RAP1GAP: variants seen among roughly 807,000 people sequenced by gnomAD.
RAP1GAP encodes the protein RAP1 GTPase activating protein.
A neutral mutation model predicts 87.2 loss-of-function variants in RAP1GAP; 35 were observed. That is an observed-to-expected ratio of 0.40 (90% CI 0.31 to 0.53). The LOEUF (loss-of-function observed/expected upper bound fraction) is 0.53. Among genes scored for constraint, RAP1GAP ranks in the 20% least tolerant of loss-of-function variants. The probability of loss-of-function intolerance (pLI) is 0.48; values close to 1 mark genes in which losing one functional copy is unlikely to be tolerated. For missense variants in RAP1GAP, 734 were observed against 898.9 expected, an observed-to-expected ratio of 0.82 and a Z score of 2.35; for synonymous variants, 375 against 363.9, an observed-to-expected ratio of 1.03 and a Z score of -0.35.
chr1:21,603,607 A>G lies in RAP1GAP; in HGVS notation c.1429-694T>C. Reference sequence around the variant, plus strand: ...GGACTGGGCCAGGGTCCCAGGGGCCAAGGCAGGGCCAGAAGCCCCTGGTGA... The same window carrying G: ...GGACTGGGCCAGGGTCCCAGGGGCCGAGGCAGGGCCAGAAGCCCCTGGTGA... On this transcript the variant is annotated intron_variant, in intron 18 of 24. Coordinates refer to ENST00000374765, the MANE Select transcript of RAP1GAP (RefSeq NM_002885.4). The surrounding 1 kb of genome is among the most constrained non-coding windows in gnomAD (Gnocchi z 6.0). 1.4e-6 allele frequency: 1 copy of G among 706,402 alleles called. No individual in the cohort carries two copies. Among genetic ancestry groups the G allele is most frequent in the South Asian group, 1.5e-5 (1 of 67,184 alleles). The allele number at this position is 706,402 out of a possible 1,614,324, so 43.8% of individuals were successfully genotyped here. A position where few individuals can be genotyped will look rare whatever the true frequency, so the allele number is the denominator to read the frequency against.
At chr1:21,601,646 T>TCCCAAGCC (rs779198415) in intron 20 of RAP1GAP, 38 bp downstream of exon 20, 3 of 1,504,642 alleles carry the variant, frequency 2.0e-6, no homozygotes, top group Non-Finnish European at 2.7e-6. Flanking sequence ...GGTTCACCAC[T>TCCCAAGCC]CCCAAGCCCC....
At chr1:21,652,154 G>C (rs2096630044) in intron 1 of RAP1GAP, among the ~76,000 whole-genome samples, 1 of 148,496 alleles carries the variant, frequency 6.7e-6, no homozygotes, top group Non-Finnish European at 1.5e-5. Context: ...CCCTCTGTTG[G>C]AGGGACGCCC....
At chr1:21,610,323 T>C (rs2077430354) in intron 13 of RAP1GAP, 48 bp from the exon 14 acceptor site, 1 of 1,605,438 alleles carries the variant, frequency 6.2e-7, no homozygotes, top group African/African-American at 1.3e-5. Flanking sequence ...AGGGGGCCCA[T>C]GGGGGAGAGG....
intron 3 of RAP1GAP, among the ~76,000 whole-genome samples, chr1:21,621,273 C>T (rs759397303): frequency 1.1e-4 from 16 of 152,192 alleles, no homozygotes; most frequent in Non-Finnish European, 1.9e-4. Flanking sequence ...CCAGATGCAG[C>T]CCCACTCATG....
In RAP1GAP at chr1:21,609,423, T is replaced by C; in HGVS notation, c.1071+152A>G. 4.2e-6 allele frequency: 2 copies of C among 477,124 alleles called. No homozygotes were observed. Among genetic ancestry groups the C allele is most frequent in the Non-Finnish European group, 7.5e-6 (2 of 266,224 alleles). 29.6% of individuals were successfully genotyped at this position (477,124 alleles called of 1,614,324 possible). A position where few individuals can be genotyped will look rare whatever the true frequency, so the allele number is the denominator to read the frequency against. On this transcript the variant is annotated intron_variant, in intron 15 of 24. Coordinates refer to ENST00000374765, the MANE Select transcript of RAP1GAP (RefSeq NM_002885.4). The surrounding 1 kb of genome is among the most constrained non-coding windows in gnomAD (Gnocchi z 4.4). ...AAAAAAAAGGTGTTTTCAAGATGAA[T>C]GGAAAAGCCAGGCCCCGGTTGCAGT...
Position 21,605,286 on chromosome 1 carries a change from C to T in RAP1GAP, c.1428+780G>A, listed in dbSNP as rs556578256. The stretch of plus-strand genomic sequence containing the variant: ...GATGCTCACACAGAAGCCAGATTCC[C>T]GACACACAATAGGCAGCCACACCAC... On this transcript the variant is annotated intron_variant, in intron 18 of 24. Transcript: ENST00000374765. Among the ~76,000 whole-genome samples the T allele has an allele frequency of 8.5e-4, 130 of 152,244 alleles. 2 individuals carry two copies. Among genetic ancestry groups the T allele is most frequent in the African/African-American group, 2.5e-3 (102 of 41,532 alleles).
chr1:21,629,305 C>T (rs2093213618), intron 2 of RAP1GAP, among the ~76,000 whole-genome samples: 1 of 152,116 alleles, frequency 6.6e-6, no homozygotes, highest in East Asian at 1.9e-4. Context: ...TCCAGCGGTG[C>T]CCTTCTGTCT....
rs958622633 is a variant in RAP1GAP, at chr1:21,656,158, C to T, written c.-148-6362G>A. Among the ~76,000 whole-genome samples, 40 of 152,142 alleles carry T rather than the reference C, an allele frequency of 2.6e-4. 1 individual carries two copies. Among genetic ancestry groups the T allele is most frequent in the African/African-American group, 7.2e-4 (30 of 41,432 alleles). ...GTTAAAGACCTAACAGTGGGCTGGG[C>T]GCGGTGGCTCACGCCTGTGATCCCA... is the stretch of plus-strand genomic sequence containing the variant. On this transcript the variant is annotated intron_variant, in intron 1 of 24. Transcript: ENST00000374765.
intron 2 of RAP1GAP, among the ~76,000 whole-genome samples, chr1:21,632,009 C>T (rs547917608): frequency 3.7e-4 from 56 of 152,334 alleles, no homozygotes; most frequent in African/African-American, 1.2e-3. Context: ...GACACCTGCA[C>T]GCTGCCTCCT....
At position 21,634,343 on chromosome 1, in the gene RAP1GAP, A is replaced by G. The variant is rs918221028; in HGVS notation, c.-112-7946T>C. On this transcript the variant is annotated intron_variant, in intron 2 of 24. Coordinates refer to ENST00000374765, the MANE Select transcript of RAP1GAP (RefSeq NM_002885.4). This position sits in a 1 kb window ranked among gnomAD's most constrained non-coding sequence, Gnocchi z 4.1. The stretch of plus-strand genomic sequence containing the variant: ...TAGAGGGAGCGTGGCGATGGGGTAG[A>G]GGAGCGGCAGGGGGACTATTTGCCA... Among the ~76,000 whole-genome samples the G allele has an allele frequency of 7.9e-5, 12 of 152,176 alleles. No homozygotes were observed. The highest frequency in any genetic ancestry group is 7.9e-4 in the Admixed American group (12 of 15,282).
At chr1:21,656,750 C>T (rs2096883757) in intron 1 of RAP1GAP, among the ~76,000 whole-genome samples, 1 of 152,216 alleles carries the variant, frequency 6.6e-6, no homozygotes, top group African/African-American at 2.4e-5. Flanking sequence ...CCCCTGCCTA[C>T]TTAAAGGGAC....
chr1:21,651,386 A>G (rs2096547435), intron 1 of RAP1GAP: 2 of 526,814 alleles, frequency 3.8e-6, no homozygotes, highest in East Asian at 5.4e-5. Flanking sequence ...CCCTACTCCC[A>G]CATACCTATA....
intron 1 of RAP1GAP, among the ~76,000 whole-genome samples, chr1:21,657,831 G>C (rs1479792437): frequency 2.6e-5 from 4 of 152,158 alleles, no homozygotes; most frequent in East Asian, 3.9e-4. Context: ...ATCTATAATG[G>C]GGGGAGAGAG....
intron 2 of RAP1GAP, among the ~76,000 whole-genome samples, chr1:21,642,534 A>G (rs536345131): frequency 2.9e-4 from 44 of 152,266 alleles, no homozygotes; most frequent in African/African-American, 1.0e-3. Context: ...CAGGGCTTCC[A>G]CAGCCCTGCA....
At chr1:21,633,515 G>A (rs1023160299) in intron 2 of RAP1GAP, among the ~76,000 whole-genome samples, 4 of 152,190 alleles carry the variant, frequency 2.6e-5, no homozygotes, top group Non-Finnish European at 4.4e-5. Context: ...AAGGCAAGAA[G>A]GCTGGGACCG....
Position 21,622,605 on chromosome 1 carries a change from G to A in RAP1GAP, c.-18-2555C>T, listed in dbSNP as rs1258669914. 1 of 146,292 alleles carries A rather than the reference G, an allele frequency of 6.8e-6. No homozygotes were observed. The allele number at this position is 146,292 out of a possible 1,614,324, so 9.1% of individuals were successfully genotyped here. A position where few individuals can be genotyped will look rare whatever the true frequency, so the allele number is the denominator to read the frequency against. On this transcript the variant is annotated intron_variant, in intron 3 of 24. Transcript: ENST00000374765. This position sits in a 1 kb window ranked among gnomAD's most constrained non-coding sequence, Gnocchi z 5.7. Reference sequence around the variant, plus strand: ...AGGGGGCGGGGCGCCAGGTACGGGCGGCACGGCGCGGGGCGGGGCGGGGCG... The same window carrying A: ...AGGGGGCGGGGCGCCAGGTACGGGCAGCACGGCGCGGGGCGGGGCGGGGCG...
intron 2 of RAP1GAP, among the ~76,000 whole-genome samples, chr1:21,642,657 G>A (rs146803790): frequency 3.9e-5 from 6 of 152,228 alleles, no homozygotes; most frequent in Middle Eastern, 3.4e-3. Flanking sequence ...CTCTTCCCAT[G>A]GTGGCTGGGG....
chr1:21,658,289 C>T (rs769781180), intron 1 of RAP1GAP, among the ~76,000 whole-genome samples: 4 of 152,156 alleles, frequency 2.6e-5, no homozygotes, highest in Middle Eastern at 3.4e-3. Context: ...AAGGGTAGGC[C>T]GGGCTCAGTG....
rs777246301 is a variant in RAP1GAP, at chr1:21,598,446, C to T, written c.1833G>A (p.Thr611=). The change falls in exon 22 of 25, where the codon ACG becomes ACA. Residue 611 remains threonine (T), a synonymous_variant. Coordinates refer to ENST00000374765, the MANE Select transcript of RAP1GAP (RefSeq NM_002885.4). ...TGGTGCTGACACTGTCCTCCAGCCA[C>T]GTGCTATAGATGAAGGAGTCCCGCT... The part of the protein sequence containing the change: ...PHKRDSFIYS[T]WLEDSVSTTS... The T allele has an allele frequency of 3.3e-5, 54 of 1,613,920 alleles. No individual in the cohort carries two copies. The Admixed American group carries it at 3.8e-4, about 11-fold the overall frequency.
Sources: gnomAD v4.1 joint callset for allele counts (sites outside exome capture counted in the v4.1 genomes callset) on GRCh38, gnomAD v4.1.1 for gene constraint, Gnocchi (gnomAD v3.1) non-coding constraint, MANE v1.5 for transcripts, NCBI Gene and HGNC (gene_info 2026-07-23, HGNC 2026-07-21) for gene names.